Variants in JAZF1 observed in about 807,000 individuals in gnomAD.
JAZF1 encodes the protein juxtaposed with another zinc finger protein 1.
JAZF1 carries 8 observed loss-of-function variants against 26.4 expected under a neutral mutation model. That is an observed-to-expected ratio of 0.30 (90% CI 0.18 to 0.55). JAZF1 has a LOEUF of 0.55. JAZF1 is among the 20% of genes least tolerant of loss of function. JAZF1 has a pLI of 0.94. For synonymous variants in JAZF1, 126 were observed against 122.3 expected (o/e 1.03, Z -0.20); for missense variants, 199 against 322.0 (o/e 0.62, Z 2.92).
intron 1 of JAZF1, among the ~76,000 whole-genome samples, chr7:28,140,373 A>G (rs1256874249): frequency 2.6e-5 from 4 of 152,106 alleles, no homozygotes; most frequent in Non-Finnish European, 5.9e-5. Flanking sequence ...ATGAGCCACC[A>G]TGCCCAGCCA....
At chr7:28,128,276 C>A (rs1384084692) in intron 1 of JAZF1, among the ~76,000 whole-genome samples, 1 of 152,180 alleles carries the variant, frequency 6.6e-6, no homozygotes, top group Non-Finnish European at 1.5e-5. Flanking sequence ...GTAATCCCAG[C>A]ACTATGGAAG....
intron 1 of JAZF1, among the ~76,000 whole-genome samples, chr7:28,021,467 G>T (rs762366227): frequency 6.6e-6 from 1 of 152,138 alleles, no homozygotes; most frequent in Admixed American, 6.5e-5. Flanking sequence ...GTAAAATAAC[G>T]TGTAGAACTG....
intron 1 of JAZF1, among the ~76,000 whole-genome samples, chr7:28,131,599 A>G (rs1301866646): frequency 6.6e-6 from 1 of 152,214 alleles, no homozygotes; most frequent in African/African-American, 2.4e-5. Flanking sequence ...CTTTGAATAC[A>G]TGGACTAAGC....
At chr7:27,898,950 C>T (rs1385743386) in intron 2 of JAZF1, among the ~76,000 whole-genome samples, 1 of 152,132 alleles carries the variant, frequency 6.6e-6, no homozygotes, top group Non-Finnish European at 1.5e-5. Context: ...ACCATACACA[C>T]ACACACCCAC....
chr7:28,048,847 C>T (rs570005171), intron 1 of JAZF1, among the ~76,000 whole-genome samples: 163 of 152,284 alleles, frequency 1.1e-3, no homozygotes, highest in African/African-American at 3.7e-3. Context: ...AGTACTGACA[C>T]GTTACAGCAT....
intron 1 of JAZF1, among the ~76,000 whole-genome samples, chr7:27,994,470 A>AC (rs1348336308): frequency 5.5e-5 from 4 of 72,164 alleles, no homozygotes; most frequent in African/African-American, 1.4e-4. Context: ...AACAAAAAAA[A>AC]ACACACACAC....
At chr7:27,994,699 C>T (rs1341532380) in intron 1 of JAZF1, among the ~76,000 whole-genome samples, 1 of 152,182 alleles carries the variant, frequency 6.6e-6, no homozygotes, top group Non-Finnish European at 1.5e-5. Context: ...CAGGAGAGGC[C>T]TGCACCAGTG....
At chr7:28,142,422 T>C (rs1167138028) in intron 1 of JAZF1, among the ~76,000 whole-genome samples, 1 of 152,214 alleles carries the variant, frequency 6.6e-6, no homozygotes, top group Non-Finnish European at 1.5e-5. Context: ...ACATATTCCC[T>C]GAGGCTCGCT....
chr7:27,860,239 G>A (rs902055138), intron 3 of JAZF1, among the ~76,000 whole-genome samples: 1 of 152,136 alleles, frequency 6.6e-6, no homozygotes, highest in Non-Finnish European at 1.5e-5. Flanking sequence ...ATATGCTGTA[G>A]GAACTTAACT....
chr7:27,986,225 G>A (rs1785702758), intron 2 of JAZF1, among the ~76,000 whole-genome samples: 3 of 152,172 alleles, frequency 2.0e-5, no homozygotes, highest in Admixed American at 1.3e-4. Context: ...CATCGTCTCA[G>A]CCCAAAATCT....
chr7:27,872,540 C>T (rs1783601891), intron 3 of JAZF1, among the ~76,000 whole-genome samples: 1 of 152,196 alleles, frequency 6.6e-6, no homozygotes, highest in Non-Finnish European at 1.5e-5. Flanking sequence ...TTTCTACCTT[C>T]AGCCAGGGGA....
At chr7:27,903,939 T>G (rs550790172) in intron 2 of JAZF1, among the ~76,000 whole-genome samples, 3 of 152,314 alleles carry the variant, frequency 2.0e-5, no homozygotes, top group African/African-American at 7.2e-5. Context: ...AAAAACAAGC[T>G]TTTGAGAAAA....
At chr7:27,850,930 G>C (rs561558110) in intron 3 of JAZF1, among the ~76,000 whole-genome samples, 1 of 151,520 alleles carries the variant, frequency 6.6e-6, no homozygotes, top group East Asian at 1.9e-4. Context: ...ATAATACATC[G>C]GAATGAATTT....
chr7:27,874,547 A>G (rs1271023543), intron 3 of JAZF1, among the ~76,000 whole-genome samples: 1 of 152,236 alleles, frequency 6.6e-6, no homozygotes, highest in Non-Finnish European at 1.5e-5. Context: ...TCATTCAGAC[A>G]GACATCCGAA....
intron 1 of JAZF1, among the ~76,000 whole-genome samples, chr7:28,067,008 A>T (rs1783894288): frequency 6.6e-6 from 1 of 152,150 alleles, no homozygotes; most frequent in Admixed American, 6.5e-5. Context: ...TTAAGCTTCC[A>T]CAAGTTAACT....
At chr7:28,150,662 C>T (rs562037377) in intron 1 of JAZF1, among the ~76,000 whole-genome samples, 56 of 152,302 alleles carry the variant, frequency 3.7e-4, no homozygotes, top group African/African-American at 1.2e-3. Context: ...CCTAAGAGGC[C>T]ACACAACTTG....
At chr7:27,877,181 C>T (rs75615492) in intron 3 of JAZF1, among the ~76,000 whole-genome samples, 10 of 152,182 alleles carry the variant, frequency 6.6e-5, no homozygotes, top group Admixed American at 5.2e-4. Flanking sequence ...GAAAGGGGAA[C>T]GAGAGAGCTA....
intron 2 of JAZF1, among the ~76,000 whole-genome samples, chr7:27,971,239 T>C (rs1785370662): frequency 6.6e-6 from 1 of 152,198 alleles, no homozygotes; most frequent in African/African-American, 2.4e-5. Flanking sequence ...GGATGTCCTT[T>C]CCTTCTAAGT....
At chr7:27,993,061 A>G (rs755618843) in intron 1 of JAZF1, among the ~76,000 whole-genome samples, 6 of 152,208 alleles carry the variant, frequency 3.9e-5, no homozygotes, top group Admixed American at 6.5e-5. Flanking sequence ...AAATCAATTT[A>G]CAATGCTTTT....
Sources: gnomAD v4.1 joint callset for allele counts (sites outside exome capture counted in the v4.1 genomes callset) on GRCh38, gnomAD v4.1.1 for gene constraint, MANE v1.5 for transcripts, NCBI Gene and HGNC (gene_info 2026-07-23, HGNC 2026-07-21) for gene names.